AKR1C3: variants seen among roughly 807,000 people sequenced by gnomAD.
The protein encoded by AKR1C3 is 3-alpha hydroxysteroid dehydrogenase, type II.
Under a neutral mutation model 43.6 loss-of-function variants are expected in AKR1C3, and 48 were observed. That is an observed-to-expected ratio of 1.10 (90% CI 0.87 to 1.40). AKR1C3 has a LOEUF of 1.40. Among genes scored for constraint, AKR1C3 ranks in the 40% most tolerant of loss-of-function variants. AKR1C3 has a pLI of 0.00. For missense variants in AKR1C3, 482 were observed against 391.2 expected (o/e 1.23, Z -1.96); for synonymous variants, 162 against 139.6 (o/e 1.16, Z -1.13).
At chr10:5,076,094 C>T (rs782438928) in intron 1 of AKR1C3, among the ~76,000 whole-genome samples, 15 of 152,118 alleles carry the variant, frequency 9.9e-5, no homozygotes, top group South Asian at 2.1e-4. Context: ...CCTGTTTTTA[C>T]GGTTGCAAAC....
At chr10:5,089,959 G>A (rs1185954858), upstream of AKR1C3, among the ~76,000 whole-genome samples, 2 of 152,148 alleles carry the variant, frequency 1.3e-5, no homozygotes, top group Admixed American at 1.3e-4. Context: ...AGAGTGTCAT[G>A]AGTAGTGTAT....
chr10:5,061,381 G>A (rs1321424120), intron 1 of AKR1C3, among the ~76,000 whole-genome samples: 1 of 152,168 alleles, frequency 6.6e-6, no homozygotes. Flanking sequence ...AGGATGACCA[G>A]GAATCCATGG....
intron 1 of AKR1C3, among the ~76,000 whole-genome samples, chr10:5,056,279 T>G (rs1352107492): frequency 6.6e-6 from 1 of 152,134 alleles, no homozygotes; most frequent in Non-Finnish European, 1.5e-5. Context: ...AAAGAGGAAC[T>G]GGGAGTCAGA....
At chr10:5,062,415 C>T (rs1389522156) in intron 1 of AKR1C3, among the ~76,000 whole-genome samples, 1 of 152,160 alleles carries the variant, frequency 6.6e-6, no homozygotes, top group South Asian at 2.1e-4. Flanking sequence ...AATACCACCT[C>T]TAGGTTGAGA....
intron 3 of AKR1C3, among the ~76,000 whole-genome samples, chr10:5,098,435 C>T (rs1554785495): frequency 6.6e-6 from 1 of 152,130 alleles, no homozygotes. Context: ...GTCTGATAAT[C>T]CTACCGTGTA....
intron 1 of AKR1C3, among the ~76,000 whole-genome samples, chr10:5,075,405 C>T (rs1456877320): frequency 6.6e-6 from 1 of 152,128 alleles, no homozygotes; most frequent in Non-Finnish European, 1.5e-5. Context: ...TTAAGTGGCC[C>T]TACATCTAAC....
intron 8 of AKR1C3, among the ~76,000 whole-genome samples, chr10:5,106,291 C>T (rs1302793352): frequency 6.6e-6 from 1 of 152,150 alleles, no homozygotes; most frequent in African/African-American, 2.4e-5. Context: ...CAATATGGAG[C>T]TCTCAAGGCA....
In AKR1C3 at chr10:5,069,409, T is replaced by C. The variant is rs117808191; in HGVS notation, c.84+20514T>C. ...GTATATTCAACATGCTTAAACTGTC[T>C]AGAAGCCTAAAATCCAAAAAGTTAG... On this transcript the variant is annotated intron_variant, in intron 1 of 8. Coordinates refer to the AKR1C3 transcript ENST00000439082. Among the ~76,000 whole-genome samples the C allele has an allele frequency of 6.0e-3, 921 of 152,360 alleles. 12 individuals are homozygous for C. The highest frequency in any genetic ancestry group is 0.027 in the Middle Eastern group (8 of 294).
intron 1 of AKR1C3, among the ~76,000 whole-genome samples, chr10:5,052,336 A>G (rs1163963350): frequency 1.3e-5 from 2 of 152,202 alleles, no homozygotes; most frequent in Admixed American, 1.3e-4. Context: ...TTTATTGCAA[A>G]GAGTGAAATA....
At chr10:5,093,173 C>G (rs1279377906), upstream of AKR1C3, among the ~76,000 whole-genome samples, 1 of 152,076 alleles carries the variant, frequency 6.6e-6, no homozygotes, top group Non-Finnish European at 1.5e-5. Flanking sequence ...CCCCTAATCT[C>G]TTGCCCTTGG....
At chr10:5,088,868 G>A (rs182707803) in intron 1 of AKR1C3, among the ~76,000 whole-genome samples, 1 of 152,086 alleles carries the variant, frequency 6.6e-6, no homozygotes, top group Admixed American at 6.6e-5. Context: ...TTGCTTTAGA[G>A]ACTCAATTGT....
intron 1 of AKR1C3, among the ~76,000 whole-genome samples, chr10:5,053,869 A>G (rs1262874910): frequency 1.3e-5 from 2 of 152,226 alleles, no homozygotes; most frequent in Non-Finnish European, 2.9e-5. Flanking sequence ...TTGGGGTTCC[A>G]TTTGTAAGAC....
At chr10:5,086,220 T>C (rs573389768) in intron 1 of AKR1C3, among the ~76,000 whole-genome samples, 5 of 151,888 alleles carry the variant, frequency 3.3e-5, no homozygotes, top group East Asian at 1.9e-4. Flanking sequence ...TTTAGTGCTA[T>C]AAATTTCCCT....
chr10:5,064,277 T>C (rs1160707516), intron 1 of AKR1C3, among the ~76,000 whole-genome samples: 1 of 152,166 alleles, frequency 6.6e-6, no homozygotes, highest in East Asian at 1.9e-4. Context: ...GAAATAATGC[T>C]GCACACCTGC....
intron 1 of AKR1C3, among the ~76,000 whole-genome samples, chr10:5,079,903 C>G (rs958234710): frequency 7.9e-5 from 12 of 152,160 alleles, no homozygotes; most frequent in African/African-American, 2.9e-4. Context: ...ACCAAAACTT[C>G]AGAAGGGCGA....
intron 1 of AKR1C3, among the ~76,000 whole-genome samples, chr10:5,083,134 G>A (rs1007080417): frequency 6.6e-6 from 1 of 151,800 alleles, no homozygotes; most frequent in Admixed American, 6.6e-5. Flanking sequence ...GTGCAGGTTT[G>A]TTACATATGT....
chr10:5,097,320 C>T lies in AKR1C3; in HGVS notation c.253-114C>T, dbSNP rs4987101. ...ATGAGAAGGAAGAGAATATGTTTGCCAGTGGTCATAAATTTTGAAGCAGTA... is the reference window on the plus strand; with the variant it reads ...ATGAGAAGGAAGAGAATATGTTTGCTAGTGGTCATAAATTTTGAAGCAGTA... On this transcript the variant is annotated intron_variant, in intron 2 of 8. Transcript: ENST00000380554. 2,496 of 1,248,344 alleles carry T rather than the reference C, an allele frequency of 2.0e-3. 39 individuals carry two copies. In the African/African-American group the frequency reaches 0.032, roughly 16 times the overall value. The allele number at this position is 1,248,344 out of a possible 1,614,324, so 77.3% of individuals were successfully genotyped here.
At chr10:5,102,786 T>G (rs1446617279) in intron 7 of AKR1C3, 136 bp downstream of exon 7, 2 of 1,479,012 alleles carry the variant, frequency 1.4e-6, no homozygotes, top group Non-Finnish European at 1.8e-6. Context: ...GCGTGCATCC[T>G]GAGGGTTTCT....
upstream of AKR1C3, among the ~76,000 whole-genome samples, chr10:5,090,030 G>A (rs1046018377): frequency 3.3e-5 from 5 of 152,070 alleles, no homozygotes; most frequent in African/African-American, 9.7e-5. Flanking sequence ...ATTGAGTTGC[G>A]CAGTTCAATT....
Sources: allele counts gnomAD v4.1 joint callset (sites outside exome capture counted in the v4.1 genomes callset), GRCh38; gene constraint gnomAD v4.1.1; transcripts MANE v1.5; gene names NCBI Gene and HGNC (gene_info 2026-07-23, HGNC 2026-07-21).